The following CFAP97D2 variants were observed in gnomAD, a reference collection of about 807,000 sequenced individuals.
CFAP97D2 encodes the protein CFAP97 domain containing 2, also known as uncharacterized protein CFAP97D2.
rs1192760495 is a variant in CFAP97D2 at position 114,222,327 on chromosome 13, A to G, written c.481-171A>G. On this transcript the variant is annotated intron_variant, in intron 4 of 4. Coordinates refer to ENST00000646158, the Ensembl canonical transcript of CFAP97D2. This position sits in a 1 kb window ranked among gnomAD's most constrained non-coding sequence, Gnocchi z 4.4. ...ACCAAAACACACTAAAATATACACT[A>G]TAAAGGGGTATAGAATTGTATCTAA... is the stretch of plus-strand genomic sequence containing the variant. Among the ~76,000 whole-genome samples, 1 of 152,250 alleles carries G rather than the reference A, an allele frequency of 6.6e-6. No homozygotes were observed. Among genetic ancestry groups the G allele is most frequent in the African/African-American group, 2.4e-5 (1 of 41,462 alleles).
chr13:114,194,175 A>G lies in CFAP97D2; in HGVS notation c.91-2221A>G, dbSNP rs1044502687. ...TGAATGATGGAATTAGAATATCTCC[A>G]CTTTTCAAACCATAATGAAGTAATG... On this transcript the variant is annotated intron_variant, in intron 1 of 4. Coordinates refer to ENST00000646158, the Ensembl canonical transcript of CFAP97D2. Among the ~76,000 whole-genome samples the G allele has an allele frequency of 2.0e-5, 3 of 152,228 alleles. No individual in the cohort carries two copies. In the South Asian group the frequency reaches 6.2e-4, roughly 32 times the overall value.
At chr13:114,220,110 A>G (rs1408256312) in intron 4 of CFAP97D2, among the ~76,000 whole-genome samples, 6 of 152,166 alleles carry the variant, frequency 3.9e-5, no homozygotes, top group Admixed American at 3.9e-4. Flanking sequence ...GGAAAGAAAA[A>G]TGCTAAGTGT....
At chr13:114,220,646 C>A (rs2081017354) in intron 4 of CFAP97D2, among the ~76,000 whole-genome samples, 1 of 152,218 alleles carries the variant, frequency 6.6e-6, no homozygotes, top group African/African-American at 2.4e-5. Flanking sequence ...TGGAAGTATG[C>A]ATTGCTCTAA....
intron 4 of CFAP97D2, among the ~76,000 whole-genome samples, chr13:114,221,007 G>A (rs1486000059): frequency 1.3e-5 from 2 of 152,252 alleles, no homozygotes; most frequent in Non-Finnish European, 2.9e-5. Context: ...CCAGCACTTC[G>A]GGAGGCCGAG....
intron 1 of CFAP97D2, among the ~76,000 whole-genome samples, chr13:114,183,055 T>G (rs149804095): frequency 4.3e-4 from 66 of 152,296 alleles, no homozygotes; most frequent in African/African-American, 1.5e-3. Context: ...ATGGGCTTGT[T>G]AGTAGACTGG....
intron 4 of CFAP97D2, among the ~76,000 whole-genome samples, chr13:114,219,221 T>C (rs35076474): frequency 0.032 from 4,836 of 152,336 alleles, 120 homozygotes; most frequent in Non-Finnish European, 0.044. Flanking sequence ...TATTTTATAT[T>C]GTCTCATAAA....
chr13:114,187,714 T>A lies in CFAP97D2; in HGVS notation c.90+8294T>A, dbSNP rs1261564410. 2.0e-5 allele frequency among the ~76,000 whole-genome samples: 3 copies of A among 152,182 alleles called. No individual in the cohort carries two copies. Among genetic ancestry groups the A allele is most frequent in the Non-Finnish European group, 4.4e-5 (3 of 68,032 alleles). ...AACAAGCAGAAAATCAGTAAGGACA[T>A]AGTTGAACTCAACGTCATCATCAAT... On this transcript the variant is annotated intron_variant, in intron 1 of 4. Transcript: ENST00000646158. The surrounding 1 kb of genome is among the most constrained non-coding windows in gnomAD (Gnocchi z 4.2).
intron 1 of CFAP97D2, among the ~76,000 whole-genome samples, chr13:114,193,328 T>C (rs1023080032): frequency 6.6e-5 from 10 of 152,240 alleles, no homozygotes; most frequent in Non-Finnish European, 8.8e-5. Flanking sequence ...ATAAAAGCAG[T>C]GTCTGTATTA....
chr13:114,206,930 A>G (rs1008270938), intron 3 of CFAP97D2, among the ~76,000 whole-genome samples: 1 of 152,194 alleles, frequency 6.6e-6, no homozygotes, highest in African/African-American at 2.4e-5. Flanking sequence ...CTGGATGTGT[A>G]TGGATGCTCC....
Position 114,222,153 on chromosome 13 carries a change from A to T in CFAP97D2, c.481-345A>T, listed in dbSNP as rs1167473227. On this transcript the variant is annotated intron_variant, in intron 4 of 4. Transcript: ENST00000646158. This position sits in a 1 kb window ranked among gnomAD's most constrained non-coding sequence, Gnocchi z 4.4. ...TATATGAAATGTCCAGAATAGGCAC[A>T]TTCAAAGAGACAAAAAGTAATCAGT... 1.3e-5 allele frequency among the ~76,000 whole-genome samples: 2 copies of T among 152,338 alleles called. No individual in the cohort carries two copies. Among genetic ancestry groups the T allele is most frequent in the East Asian group, 3.9e-4 (2 of 5,188 alleles).
chr13:114,205,868 AC>A (rs1274183686), intron 3 of CFAP97D2, among the ~76,000 whole-genome samples: 1 of 152,230 alleles, frequency 6.6e-6, no homozygotes, highest in East Asian at 1.9e-4. Flanking sequence ...TGCCACACTC[AC>A]CTGGGACTTA....
Position 114,185,819 on chromosome 13 carries a change from C to A in CFAP97D2, c.90+6399C>A, listed in dbSNP as rs560396186. Among the ~76,000 whole-genome samples, 320 of 152,150 alleles carry A rather than the reference C, an allele frequency of 2.1e-3. 2 individuals carry two copies. The highest frequency in any genetic ancestry group is 7.4e-3 in the African/African-American group (307 of 41,582). The stretch of plus-strand genomic sequence containing the variant: ...GGGAGGCTGAGGGGGATGCAGAGGA[C>A]AGCACAGTGCTGGCTGCGTGCCTCT... On this transcript the variant is annotated intron_variant, in intron 1 of 4. Transcript: ENST00000646158. The surrounding 1 kb of genome is among the most constrained non-coding windows in gnomAD (Gnocchi z 5.2).
intron 1 of CFAP97D2, among the ~76,000 whole-genome samples, chr13:114,192,540 A>C (rs1566612424): frequency 6.6e-6 from 1 of 152,222 alleles, no homozygotes; most frequent in Non-Finnish European, 1.5e-5. Context: ...ATTATACCAA[A>C]CATTTGATGA....
intron 4 of CFAP97D2, among the ~76,000 whole-genome samples, chr13:114,219,297 T>G (rs1455195949): frequency 6.6e-6 from 1 of 152,232 alleles, no homozygotes; most frequent in African/African-American, 2.4e-5. Context: ...TTTATCCATT[T>G]ATATGTATTG....
intron 1 of CFAP97D2, among the ~76,000 whole-genome samples, chr13:114,196,138 G>A (rs1047538855): frequency 6.6e-6 from 1 of 150,834 alleles, no homozygotes; most frequent in Non-Finnish European, 1.5e-5. Context: ...GTCACCAGGT[G>A]TTGGCATTTA....
At chr13:114,188,897 CA>C (rs2080859949) in intron 1 of CFAP97D2, among the ~76,000 whole-genome samples, 1 of 149,356 alleles carries the variant, frequency 6.7e-6, no homozygotes. Context: ...AGAGAAAAAT[CA>C]ATAAAACTTG....
intron 1 of CFAP97D2, among the ~76,000 whole-genome samples, chr13:114,182,309 A>G (rs2080837148): frequency 6.6e-6 from 1 of 152,168 alleles, no homozygotes; most frequent in Non-Finnish European, 1.5e-5. Context: ...ATTACTGCAA[A>G]CATGTCTCGC....
intron 4 of CFAP97D2, among the ~76,000 whole-genome samples, chr13:114,212,838 C>T (rs1448246199): frequency 6.6e-6 from 1 of 151,254 alleles, no homozygotes; most frequent in Non-Finnish European, 1.5e-5. Flanking sequence ...GGCAACAGAT[C>T]GAGACTCCGT....
chr13:114,181,901 TG>T (rs1356900830), intron 1 of CFAP97D2, among the ~76,000 whole-genome samples: 1 of 149,840 alleles, frequency 6.7e-6, no homozygotes, highest in African/African-American at 2.5e-5. Flanking sequence ...TCAGCCAGGC[TG>T]GCCATGCCTG....
Sources: gnomAD v4.1 joint callset for allele counts (sites outside exome capture counted in the v4.1 genomes callset) on GRCh38, gnomAD v4.1.1 for gene constraint, Gnocchi (gnomAD v3.1) non-coding constraint, MANE v1.5 for transcripts, NCBI Gene and HGNC (gene_info 2026-07-23, HGNC 2026-07-21) for gene names.